NTSR1: variants seen among roughly 807,000 people sequenced by gnomAD.
NTSR1 encodes neurotensin receptor type 1.
NTSR1 carries 29 observed loss-of-function variants against 31.2 expected under a neutral mutation model. The ratio of observed to expected loss-of-function variants is 0.93; its 90% CI spans 0.69 to 1.27. NTSR1 has a LOEUF of 1.27. Among genes scored for constraint, NTSR1 ranks in the 50% most tolerant of loss-of-function variants. The probability of loss-of-function intolerance (pLI) is 0.00; values close to 1 mark genes in which losing one functional copy is unlikely to be tolerated. For missense variants in NTSR1, 697 were observed against 595.4 expected (o/e 1.17, Z -1.78); for synonymous variants, 282 against 269.9 (o/e 1.04, Z -0.44).
chr20:62,717,797 A>T (rs1988758599), intron 1 of NTSR1, among the ~76,000 whole-genome samples: 1 of 72,770 alleles, frequency 1.4e-5, no homozygotes, highest in Non-Finnish European at 3.5e-5. Flanking sequence ...ATGGGGGTAT[A>T]GCAGCCCAAA....
chr20:62,730,097 T>C (rs1322058376), intron 1 of NTSR1, among the ~76,000 whole-genome samples: 2 of 152,186 alleles, frequency 1.3e-5, no homozygotes, highest in African/African-American at 4.8e-5. Flanking sequence ...GAGCCAATAT[T>C]GATACATTAT....
chr20:62,716,206 G>A (rs937833736), intron 1 of NTSR1, among the ~76,000 whole-genome samples: 17 of 152,080 alleles, frequency 1.1e-4, no homozygotes, highest in Non-Finnish European at 2.4e-4. Flanking sequence ...GACCCCCAGC[G>A]CCTGGTAACC....
chr20:62,759,093 C>G (rs868699981), intron 3 of NTSR1, among the ~76,000 whole-genome samples: 1 of 152,206 alleles, frequency 6.6e-6, no homozygotes, highest in African/African-American at 2.4e-5. Context: ...ACTTGTGAAC[C>G]CTTTTCTGTG....
chr20:62,742,210 G>T lies in NTSR1; in HGVS notation c.715-12475G>T, dbSNP rs979674288. Among the ~76,000 whole-genome samples, 9 of 149,488 alleles carry T rather than the reference G, an allele frequency of 6.0e-5. 1 individual carries two copies. The highest frequency in any genetic ancestry group is 2.3e-4 in the African/African-American group (9 of 39,966). On this transcript the variant is annotated intron_variant, in intron 1 of 3. Transcript: ENST00000370501. The surrounding 1 kb of genome is among the most constrained non-coding windows in gnomAD (Gnocchi z 7.1). The stretch of plus-strand genomic sequence containing the variant: ...CAGTGGTCCCACAGACACCGAGGTG[G>T]CTGACATGGCCCCTCCAGGTCACAC...
intron 3 of NTSR1, 29 bp from the exon 4 acceptor site, chr20:62,759,989 G>A (rs754361483): frequency 1.2e-5 from 20 of 1,608,628 alleles, no homozygotes; most frequent in Admixed American, 1.7e-5. Context: ...AGTTCTCTCT[G>A]GGATCTGAGC....
In NTSR1 at chr20:62,758,175, A is replaced by G. The variant is rs1969663; in HGVS notation, c.917-91A>G. ...AGGTGCAGTGGGTCTCTGAGCCCAC[A>G]TCTGTGTGCCTCAGGTGCAGTGGGT... On this transcript the variant is annotated intron_variant, in intron 2 of 3. Transcript: ENST00000370501. The surrounding 1 kb of genome is among the most constrained non-coding windows in gnomAD (Gnocchi z 4.5). 79 of 858,480 alleles carry G rather than the reference A, an allele frequency of 9.2e-5. 2 individuals carry two copies. In the South Asian group the frequency reaches 9.3e-4, roughly 10 times the overall value. The allele number at this position is 858,480 out of a possible 1,614,324, so 53.2% of individuals were successfully genotyped here.
chr20:62,758,361 G>C lies in NTSR1; in HGVS notation c.1007+5G>C, dbSNP rs1182742037. Reference sequence around the variant, plus strand: ...CTCGGATGAGCAGTGGACTCCGTGAGTACCGGGAACCAGGAAGTTGGGTGC... The same window carrying C: ...CTCGGATGAGCAGTGGACTCCGTGACTACCGGGAACCAGGAAGTTGGGTGC... On this transcript the variant is annotated splice_donor_5th_base_variant and intron_variant, in intron 3 of 3. Coordinates refer to ENST00000370501, the MANE Select transcript of NTSR1 (RefSeq NM_002531.3). This position sits in a 1 kb window ranked among gnomAD's most constrained non-coding sequence, Gnocchi z 4.5. The C allele has an allele frequency of 8.7e-6, 14 of 1,612,998 alleles. No homozygotes were observed. The highest frequency in any genetic ancestry group is 4.5e-5 in the East Asian group (2 of 44,880).
chr20:62,709,457 A>G lies in NTSR1; in HGVS notation c.250A>G (p.Thr84Ala), dbSNP rs540650736. The G allele has an allele frequency of 1.4e-5, 22 of 1,612,526 alleles. No homozygotes were observed. Among genetic ancestry groups the G allele is most frequent in the African/African-American group, 2.7e-5 (2 of 75,044 alleles). Reference sequence around the variant, plus strand: ...GGTGGGCACGGTGGGCAACACGGTGACGGCGTTCACGCTGGCGCGGAAGAA... The same window carrying G: ...GGTGGGCACGGTGGGCAACACGGTGGCGGCGTTCACGCTGGCGCGGAAGAA... ...FVVGTVGNTV[T>A]AFTLARKKSL... Residue 84 changes from threonine (T) to alanine (A), a missense_variant, in exon 1 of 4, where the codon ACG becomes GCG. Coordinates refer to ENST00000370501, the MANE Select transcript of NTSR1 (RefSeq NM_002531.3).
intron 1 of NTSR1, among the ~76,000 whole-genome samples, chr20:62,724,549 G>T (rs1043777363): frequency 7.2e-5 from 11 of 152,224 alleles, no homozygotes; most frequent in Admixed American, 7.2e-4. Context: ...GCACAGAGAT[G>T]CTCAGAAAGC....
chr20:62,716,408 G>C (rs1448936180), intron 1 of NTSR1, among the ~76,000 whole-genome samples: 5 of 152,184 alleles, frequency 3.3e-5, no homozygotes, highest in Non-Finnish European at 2.9e-5. Context: ...CAGGAGGAAG[G>C]TCGGAGGAGG....
In NTSR1 at chr20:62,709,759, C is replaced by T; in HGVS notation, c.552C>T (p.Arg184=). The T allele has an allele frequency of 1.5e-5, 25 of 1,613,090 alleles. No homozygotes were observed. The highest frequency in any genetic ancestry group is 2.1e-5 in the Non-Finnish European group (25 of 1,179,932). Reference sequence around the variant, plus strand: ...CCAAGACCCTCATGTCCCGAAGCCGCACCAAGAAGTTCATCAGCGCCATCT... The same window carrying T: ...CCAAGACCCTCATGTCCCGAAGCCGTACCAAGAAGTTCATCAGCGCCATCT... ...FKAKTLMSRS[R]TKKFISAIWL... The change falls in exon 1 of 4, where the codon CGC becomes CGT. Residue 184 remains arginine (R), a synonymous_variant. Coordinates refer to ENST00000370501, the MANE Select transcript of NTSR1 (RefSeq NM_002531.3).
chr20:62,734,060 C>A (rs73918652), intron 1 of NTSR1, among the ~76,000 whole-genome samples: 7 of 152,086 alleles, frequency 4.6e-5, no homozygotes, highest in African/African-American at 1.7e-4. Flanking sequence ...CAGATGCACA[C>A]GGCTGGGGCC....
In NTSR1 at chr20:62,754,962, A is replaced by C. The variant is rs1430888979; in HGVS notation, c.916+76A>C. 4.4e-6 allele frequency: 6 copies of C among 1,370,852 alleles called. No homozygotes were observed. In the African/African-American group the frequency reaches 8.6e-5, roughly 20 times the overall value. The allele number at this position is 1,370,852 out of a possible 1,614,324, so 84.9% of individuals were successfully genotyped here. ...AAGGCAGCGAGCGCTGAACCACCCC[A>C]AGCCTGGGCAAGGTTTAAAGACATA... On this transcript the variant is annotated intron_variant, in intron 2 of 3. Coordinates refer to ENST00000370501, the MANE Select transcript of NTSR1 (RefSeq NM_002531.3).
At chr20:62,729,664 T>C (rs1235451660) in intron 1 of NTSR1, among the ~76,000 whole-genome samples, 1 of 146,512 alleles carries the variant, frequency 6.8e-6, no homozygotes, top group Non-Finnish European at 1.5e-5. Flanking sequence ...GGAGTCTCGC[T>C]CTGTCACCCA....
At chr20:62,749,512 A>G (rs1989357631) in intron 1 of NTSR1, among the ~76,000 whole-genome samples, 1 of 152,240 alleles carries the variant, frequency 6.6e-6, no homozygotes, top group Non-Finnish European at 1.5e-5. Context: ...CACAGGCAAC[A>G]AAAGCAACAT....
In NTSR1 at chr20:62,714,517, G is replaced by T. The variant is rs1988676100; in HGVS notation, c.714+4596G>T. ...ATGTAGGCATGGATTCTTGACAGCT[G>T]CTGGGGTCACGAAGGGGAGAGAGTT... On this transcript the variant is annotated intron_variant, in intron 1 of 3. Transcript: ENST00000370501. The surrounding 1 kb of genome is among the most constrained non-coding windows in gnomAD (Gnocchi z 4.1). Among the ~76,000 whole-genome samples, 1 of 152,208 alleles carries T rather than the reference G, an allele frequency of 6.6e-6. No homozygotes were observed. The highest frequency in any genetic ancestry group is 1.5e-5 in the Non-Finnish European group (1 of 68,040).
rs2147144331 is a variant in NTSR1 at position 62,745,325 on chromosome 20, A to G, written c.715-9360A>G. ...GAGGAAAACAGACACAGGGAGACAC[A>G]GAGACAGAGATACAGAGACACAAGA... On this transcript the variant is annotated intron_variant, in intron 1 of 3. Transcript: ENST00000370501. This position sits in a 1 kb window ranked among gnomAD's most constrained non-coding sequence, Gnocchi z 4.1. Among the ~76,000 whole-genome samples the G allele has an allele frequency of 6.6e-6, 1 of 152,282 alleles. No homozygotes were observed. The highest frequency in any genetic ancestry group is 1.9e-4 in the East Asian group (1 of 5,178).
chr20:62,750,400 C>T (rs978008528), intron 1 of NTSR1, among the ~76,000 whole-genome samples: 3 of 152,174 alleles, frequency 2.0e-5, no homozygotes, highest in Non-Finnish European at 2.9e-5. Flanking sequence ...GTTAACAATA[C>T]TGCATTGCGG....
intron 1 of NTSR1, among the ~76,000 whole-genome samples, chr20:62,750,050 G>C (rs1029505974): frequency 2.0e-5 from 3 of 152,208 alleles, no homozygotes; most frequent in African/African-American, 7.2e-5. Context: ...AATCAACCCA[G>C]GTGTCCCTCA....
Sources: allele counts gnomAD v4.1 joint callset (sites outside exome capture counted in the v4.1 genomes callset), GRCh38; gene constraint gnomAD v4.1.1; non-coding constraint Gnocchi (gnomAD v3.1); transcripts MANE v1.5; gene names NCBI Gene and HGNC (gene_info 2026-07-23, HGNC 2026-07-21).